KDM2A: variants seen among roughly 807,000 people sequenced by gnomAD.
The protein encoded by KDM2A is lysine demethylase 2A.
KDM2A carries 3 observed loss-of-function variants against 137.3 expected under a neutral mutation model. That is an observed-to-expected ratio of 0.02 (90% CI 0.01 to 0.06). The LOEUF (loss-of-function observed/expected upper bound fraction) is 0.06, where lower values mean the gene tolerates loss of function less well. Among genes scored for constraint, KDM2A ranks in the 10% least tolerant of loss-of-function variants. The pLI is 1.00. For synonymous variants in KDM2A, 512 were observed against 541.5 expected, an observed-to-expected ratio of 0.95 and a Z score of 0.76; for missense variants, 738 against 1,510.6, an observed-to-expected ratio of 0.49 and a Z score of 8.48.
At position 67,253,514 on chromosome 11, in the gene KDM2A, C is replaced by T; in HGVS notation, c.2994C>T (p.Ser998=). ...SWSAVSALST[S]SCPLLRTLDL... ...CTGCAGTCTCTGCCCTCAGCACCTC[C>T]AGCTGCCCCCTTCTCAGGACCCTTG... The change falls in exon 19 of 21, where the codon TCC becomes TCT. Residue 998 remains serine (S), a synonymous_variant. Coordinates refer to ENST00000529006, the MANE Select transcript of KDM2A (RefSeq NM_012308.3). The T allele has an allele frequency of 6.2e-7, 1 of 1,613,976 alleles. No homozygotes were observed. Among genetic ancestry groups the T allele is most frequent in the South Asian group, 1.1e-5 (1 of 91,072 alleles).
intron 2 of KDM2A, among the ~76,000 whole-genome samples, chr11:67,128,056 C>G (rs1855770432): frequency 6.7e-6 from 1 of 148,978 alleles, no homozygotes; most frequent in African/African-American, 2.5e-5. Flanking sequence ...GCTCTGTTGC[C>G]CAGGCCGGAG....
chr11:67,146,356 C>G (rs937760293), intron 2 of KDM2A, among the ~76,000 whole-genome samples: 1 of 151,950 alleles, frequency 6.6e-6, no homozygotes, highest in Non-Finnish European at 1.5e-5. Context: ...TGTCTTTTTA[C>G]TTACTTTTTA....
At position 67,132,964 on chromosome 11, in the gene KDM2A, A is replaced by G. The variant is rs149604387; in HGVS notation, c.42+11606A>G. Among the ~76,000 whole-genome samples the G allele has an allele frequency of 5.4e-3, 825 of 152,334 alleles. 13 individuals carry two copies. Among genetic ancestry groups the G allele is most frequent in the African/African-American group, 0.018 (769 of 41,576 alleles). On this transcript the variant is annotated intron_variant, in intron 2 of 20. Coordinates refer to ENST00000529006, the MANE Select transcript of KDM2A (RefSeq NM_012308.3). ...AAAGGAAGAGATAGAAGCAAGACAC[A>G]TTGGCAGTGAAGGACTGACTAAACT...
intron 2 of KDM2A, among the ~76,000 whole-genome samples, chr11:67,175,667 A>G (rs145823781): frequency 1.2e-3 from 185 of 152,312 alleles, no homozygotes; most frequent in African/African-American, 4.1e-3. Context: ...TTTGCCTATC[A>G]TATTAGAAAT....
chr11:67,198,418 C>T (rs894655175), intron 5 of KDM2A, among the ~76,000 whole-genome samples: 4 of 151,858 alleles, frequency 2.6e-5, no homozygotes, highest in Admixed American at 2.6e-4. Flanking sequence ...TCATGTCTGT[C>T]ACATTTTAAA....
At chr11:67,121,000 A>T (rs567673450) in intron 1 of KDM2A, among the ~76,000 whole-genome samples, 46 of 152,010 alleles carry the variant, frequency 3.0e-4, no homozygotes, top group African/African-American at 1.0e-3. Flanking sequence ...TGGCCCTTCC[A>T]CAAGGAACTG....
intron 2 of KDM2A, among the ~76,000 whole-genome samples, chr11:67,136,178 G>A (rs1855966236): frequency 6.6e-6 from 1 of 152,064 alleles, no homozygotes; most frequent in Non-Finnish European, 1.5e-5. Context: ...TGGCATTTTC[G>A]ATATACTCAC....
rs144336818 is a variant in KDM2A, at chr11:67,205,448, A to T, written c.308-2062A>T. 2.0e-3 allele frequency among the ~76,000 whole-genome samples: 300 copies of T among 152,238 alleles called. 3 individuals are homozygous for T. The highest frequency in any genetic ancestry group is 2.7e-3 in the Non-Finnish European group (187 of 68,032). ...CTAATGCTACCTGATACATCCAGCC[A>T]GGGCAGGTGTTTGTTCGTCTTACAA... On this transcript the variant is annotated intron_variant, in intron 5 of 20. Coordinates refer to ENST00000529006, the MANE Select transcript of KDM2A (RefSeq NM_012308.3).
intron 2 of KDM2A, among the ~76,000 whole-genome samples, chr11:67,169,970 C>G (rs1856844033): frequency 6.6e-6 from 1 of 151,920 alleles, no homozygotes; most frequent in East Asian, 1.9e-4. Flanking sequence ...GCTGGCCAGG[C>G]TGGTCTCGAA....
chr11:67,211,352 G>T (rs1443248313), intron 6 of KDM2A, among the ~76,000 whole-genome samples: 1 of 151,778 alleles, frequency 6.6e-6, no homozygotes, highest in Non-Finnish European at 1.5e-5. Context: ...GGTAGCTCAC[G>T]CCTACAATCC....
At chr11:67,120,437 A>C (rs2136273324) in intron 1 of KDM2A, among the ~76,000 whole-genome samples, 1 of 152,354 alleles carries the variant, frequency 6.6e-6, no homozygotes, top group South Asian at 2.1e-4. Flanking sequence ...ATTATCCACG[A>C]GAATATTTAG....
chr11:67,177,639 TAAC>T (rs1432440296), intron 2 of KDM2A, among the ~76,000 whole-genome samples: 1 of 152,100 alleles, frequency 6.6e-6, no homozygotes, highest in African/African-American at 2.4e-5. Context: ...TCTCCTGTGA[TAAC>T]AATGCCTTCT....
chr11:67,217,729 AG>A lies in KDM2A; in HGVS notation c.688del. ...AACAGACTAAAGTTTTTTAACTCAC[AG>A]GTCTTCTGGCTCATCCCCCCTACAG... On this transcript the variant is annotated splice_acceptor_variant, in intron 8 of 20. Coordinates refer to ENST00000529006, the MANE Select transcript of KDM2A (RefSeq NM_012308.3). LOFTEE classifies it high-confidence loss of function. 6.2e-7 allele frequency: 1 copy of A among 1,613,446 alleles called. No individual in the cohort carries two copies. Among genetic ancestry groups the A allele is most frequent in the Non-Finnish European group, 8.5e-7 (1 of 1,179,692 alleles).
At position 67,250,925 on chromosome 11, in the gene KDM2A, T is replaced by C; in HGVS notation, c.2768+127T>C. On this transcript the variant is annotated intron_variant, in intron 17 of 20. Transcript: ENST00000529006. This position sits in a 1 kb window ranked among gnomAD's most constrained non-coding sequence, Gnocchi z 7.1. ...GTCTTATGAGGAGTGAATTGACCCTTTTTCCCAAACTTTGGGTCCTGTTTA... is the reference window on the plus strand; with the variant it reads ...GTCTTATGAGGAGTGAATTGACCCTCTTTCCCAAACTTTGGGTCCTGTTTA... The C allele has an allele frequency of 6.8e-6, 5 of 731,336 alleles. No homozygotes were observed. In the East Asian group the frequency reaches 1.3e-4, roughly 19 times the overall value. 45.3% of individuals were successfully genotyped at this position (731,336 alleles called of 1,614,324 possible).
intron 5 of KDM2A, among the ~76,000 whole-genome samples, chr11:67,201,522 G>A (rs1209939054): frequency 6.6e-6 from 1 of 151,750 alleles, no homozygotes; most frequent in African/African-American, 2.4e-5. Flanking sequence ...TGTAATCCTA[G>A]CAGTTTGGGA....
rs956977256 is a variant in KDM2A, at chr11:67,133,349, G to A, written c.42+11991G>A. Among the ~76,000 whole-genome samples the A allele has an allele frequency of 3.3e-5, 5 of 151,734 alleles. No individual in the cohort carries two copies. In the East Asian group the frequency reaches 7.8e-4, roughly 24 times the overall value. On this transcript the variant is annotated intron_variant, in intron 2 of 20. Coordinates refer to ENST00000529006, the MANE Select transcript of KDM2A (RefSeq NM_012308.3). The stretch of plus-strand genomic sequence containing the variant: ...ACTCCTGACCTCAAGTGATCCACCC[G>A]CCTTGGCCTCCCAAAGGGCTGGGAT...
chr11:67,170,408 CTTTTTTTT>C (rs923665021), intron 2 of KDM2A, among the ~76,000 whole-genome samples: 1 of 92,840 alleles, frequency 1.1e-5, no homozygotes, highest in African/African-American at 4.6e-5. Flanking sequence ...TTCTTTCTTT[CTTTTTTTT>C]TTTTTTTTTT....
At chr11:67,247,422 CTTTTTTTTTT>C (rs56012601) in intron 15 of KDM2A, among the ~76,000 whole-genome samples, 3 of 84,528 alleles carry the variant, frequency 3.5e-5, no homozygotes, top group Admixed American at 1.8e-4. Flanking sequence ...GCATTACAAT[CTTTTTTTTTT>C]TTTTTTTTTT....
At chr11:67,252,499 C>T (rs932680013) in intron 17 of KDM2A, 195 bp from the exon 18 acceptor site, 6 of 609,304 alleles carry the variant, frequency 9.8e-6, no homozygotes, top group East Asian at 8.6e-5. Flanking sequence ...GTTTGCAAAG[C>T]GTCTAGTTGT....
Sources: gnomAD v4.1 joint callset for allele counts (sites outside exome capture counted in the v4.1 genomes callset) on GRCh38, gnomAD v4.1.1 for gene constraint, Gnocchi (gnomAD v3.1) non-coding constraint, MANE v1.5 for transcripts, NCBI Gene and HGNC (gene_info 2026-07-23, HGNC 2026-07-21) for gene names.